Variants in SLC35F1 observed in about 807,000 individuals in gnomAD.
The protein encoded by SLC35F1 is solute carrier family 35 member F1.
A neutral mutation model predicts 48.7 loss-of-function variants in SLC35F1; 14 were observed. The ratio of observed to expected loss-of-function variants is 0.29; its 90% CI spans 0.19 to 0.45. The LOEUF (loss-of-function observed/expected upper bound fraction) is 0.45, where lower values mean the gene tolerates loss of function less well. SLC35F1 is among the 20% of genes least tolerant of loss of function. The pLI is 1.00. For synonymous variants in SLC35F1, 190 were observed against 202.2 expected, an observed-to-expected ratio of 0.94 and a Z score of 0.51; for missense variants, 404 against 500.0, an observed-to-expected ratio of 0.81 and a Z score of 1.83.
intron 7 of SLC35F1, among the ~76,000 whole-genome samples, chr6:118,291,035 C>T (rs888718723): frequency 3.9e-5 from 6 of 152,134 alleles, no homozygotes; most frequent in African/African-American, 9.6e-5. Context: ...CCTCATGATC[C>T]GCCCACCTTG....
chr6:118,186,738 A>G (rs1774662320), intron 2 of SLC35F1, among the ~76,000 whole-genome samples: 1 of 152,190 alleles, frequency 6.6e-6, no homozygotes, highest in Non-Finnish European at 1.5e-5. Flanking sequence ...CCTGTAGTCC[A>G]CAGTCTCTAA....
At chr6:118,143,757 G>T (rs901821963) in intron 1 of SLC35F1, among the ~76,000 whole-genome samples, 3 of 152,128 alleles carry the variant, frequency 2.0e-5, no homozygotes, top group Admixed American at 1.3e-4. Context: ...CGACCATGAG[G>T]TAGTTACTGT....
Position 118,235,560 on chromosome 6 carries a change from T to C in SLC35F1, c.401T>C (p.Ile134Thr), listed in dbSNP as rs771528739. 1 of 1,613,406 alleles carries C rather than the reference T, an allele frequency of 6.2e-7. No individual in the cohort carries two copies. Among genetic ancestry groups the C allele is most frequent in the East Asian group, 2.2e-5 (1 of 44,786 alleles). ...CGACGAAGATGGTGGAAGTACATGA[T>C]TTTGGGACTCATAGACCTGGAAGCA... ...ILRRRWWKYM[I>T]LGLIDLEANY... Residue 134 changes from isoleucine (I) to threonine (T), a missense_variant, in exon 3 of 8, where the codon ATT (isoleucine) becomes ACT (threonine). Physicochemically the swap from Ile to Thr is moderately conservative, Grantham distance 89. This residue lies in a region of SLC35F1 where 306 missense variants were observed against 419.1 expected (regional missense o/e 0.73). Transcript: ENST00000360388.
intron 1 of SLC35F1, among the ~76,000 whole-genome samples, chr6:118,059,327 C>A (rs1772505005): frequency 6.6e-6 from 1 of 152,162 alleles, no homozygotes; most frequent in African/African-American, 2.4e-5. Context: ...CAGAAGAATA[C>A]AATTTAAGAA....
chr6:117,968,466 C>T (rs1291170198), intron 1 of SLC35F1, among the ~76,000 whole-genome samples: 2 of 152,064 alleles, frequency 1.3e-5, no homozygotes, highest in South Asian at 2.1e-4. Context: ...GAAAATAAAT[C>T]GAAGAGAGGT....
intron 1 of SLC35F1, among the ~76,000 whole-genome samples, chr6:118,020,164 CA>C (rs1212430834): frequency 6.6e-6 from 1 of 152,032 alleles, no homozygotes; most frequent in Non-Finnish European, 1.5e-5. Context: ...ACACAAATGC[CA>C]CAGGATTTGA....
chr6:117,907,365 G>A lies in SLC35F1; in HGVS notation c.-362G>A, dbSNP rs1775698940. Among the ~76,000 whole-genome samples, 2 of 150,424 alleles carry A rather than the reference G, an allele frequency of 1.3e-5. No homozygotes were observed. Among genetic ancestry groups the A allele is most frequent in the Non-Finnish European group, 3.0e-5 (2 of 67,514 alleles). On this transcript the variant is annotated 5_prime_UTR_variant, in exon 1 of 8. Transcript: ENST00000360388. ...AGACCCGGGCACGAGGAAACAAGGAGAAATCAGGACTCCTTCCCCGGAACC... is the reference window on the plus strand; with the variant it reads ...AGACCCGGGCACGAGGAAACAAGGAAAAATCAGGACTCCTTCCCCGGAACC...
chr6:118,263,829 C>G (rs904500839), intron 3 of SLC35F1, among the ~76,000 whole-genome samples: 2 of 152,090 alleles, frequency 1.3e-5, no homozygotes, highest in African/African-American at 4.8e-5. Context: ...TATGTGACCA[C>G]GAGGGGAAAG....
chr6:118,211,102 A>G (rs1183477198), intron 2 of SLC35F1, among the ~76,000 whole-genome samples: 1 of 152,196 alleles, frequency 6.6e-6, no homozygotes, highest in Non-Finnish European at 1.5e-5. Flanking sequence ...TCTACAAGCC[A>G]AGAAGAGAGG....
At chr6:118,139,532 AT>A (rs1773852315) in intron 1 of SLC35F1, among the ~76,000 whole-genome samples, 1 of 152,228 alleles carries the variant, frequency 6.6e-6, no homozygotes. Context: ...TGTAAGTGCC[AT>A]TGGAAGGATG....
At chr6:118,040,040 T>A (rs901477928) in intron 1 of SLC35F1, among the ~76,000 whole-genome samples, 2 of 152,134 alleles carry the variant, frequency 1.3e-5, no homozygotes, top group African/African-American at 4.8e-5. Context: ...CAGCCTTTGG[T>A]ATGCTGCTTT....
chr6:118,172,121 C>G (rs993149903), intron 2 of SLC35F1, among the ~76,000 whole-genome samples: 18 of 151,500 alleles, frequency 1.2e-4, no homozygotes, highest in African/African-American at 4.4e-4. Context: ...AGCCAGAGTA[C>G]TTGAGTCAGT....
Position 118,102,282 on chromosome 6 carries a change from C to G in SLC35F1, c.174-52163C>G, listed in dbSNP as rs554813056. Among the ~76,000 whole-genome samples, 64 of 152,256 alleles carry G rather than the reference C, an allele frequency of 4.2e-4. No individual in the cohort carries two copies. In the South Asian group the frequency reaches 0.013, roughly 31 times the overall value. On this transcript the variant is annotated intron_variant, in intron 1 of 7. Coordinates refer to ENST00000360388, the MANE Select transcript of SLC35F1 (RefSeq NM_001029858.4). ...CACTGCTGCCTTGACCTCATGGGATCAAGCAATCTTCCCACCTCAGCCTCC... is the reference window on the plus strand; with the variant it reads ...CACTGCTGCCTTGACCTCATGGGATGAAGCAATCTTCCCACCTCAGCCTCC...
At chr6:118,019,799 G>A (rs193164197) in intron 1 of SLC35F1, among the ~76,000 whole-genome samples, 1 of 152,220 alleles carries the variant, frequency 6.6e-6, no homozygotes, top group East Asian at 1.9e-4. Context: ...CTAAAAATTT[G>A]GCATTGTTTT....
In SLC35F1 at chr6:118,002,761, T is replaced by C. The variant is rs970023698; in HGVS notation, c.173+94862T>C. Among the ~76,000 whole-genome samples the C allele has an allele frequency of 2.6e-5, 4 of 151,924 alleles. No individual in the cohort carries two copies. The East Asian group carries it at 5.8e-4, about 22-fold the overall frequency. On this transcript the variant is annotated intron_variant, in intron 1 of 7. Coordinates refer to ENST00000360388, the MANE Select transcript of SLC35F1 (RefSeq NM_001029858.4). ...CAAAAACTTAACCTTTTTAATGATA[T>C]GAGAATTTCTAACCTGTCTGGAAGA...
intron 1 of SLC35F1, among the ~76,000 whole-genome samples, chr6:118,092,099 C>A (rs1015630343): frequency 1.3e-5 from 2 of 152,210 alleles, no homozygotes; most frequent in Non-Finnish European, 2.9e-5. Flanking sequence ...GAAATTCAAG[C>A]TGGCTGCAGA....
At chr6:117,996,462 C>G (rs148348264) in intron 1 of SLC35F1, among the ~76,000 whole-genome samples, 1 of 152,090 alleles carries the variant, frequency 6.6e-6, no homozygotes, top group Non-Finnish European at 1.5e-5. Context: ...GATCTGAGAA[C>G]GGGCAGACTG....
At chr6:118,032,136 C>A (rs559304681) in intron 1 of SLC35F1, among the ~76,000 whole-genome samples, 24 of 152,238 alleles carry the variant, frequency 1.6e-4, no homozygotes, top group Non-Finnish European at 2.4e-4. Flanking sequence ...TCAATAAACC[C>A]AGACATATTT....
At chr6:118,227,522 A>AT (rs749503909) in intron 2 of SLC35F1, among the ~76,000 whole-genome samples, 3 of 152,132 alleles carry the variant, frequency 2.0e-5, no homozygotes, top group Non-Finnish European at 4.4e-5. Context: ...GCATTTATGG[A>AT]TTTTTCCATA....
Sources: gnomAD v4.1 joint callset for allele counts (sites outside exome capture counted in the v4.1 genomes callset) on GRCh38, gnomAD v4.1.1 for gene constraint, gnomAD v4.1.1 regional missense constraint, MANE v1.5 for transcripts, NCBI Gene and HGNC (gene_info 2026-07-23, HGNC 2026-07-21) for gene names.